Variants in CTNNA3 observed in about 807,000 individuals in gnomAD.
CTNNA3 encodes catenin alpha-3.
CTNNA3 carries 76 observed loss-of-function variants against 95.7 expected under a neutral mutation model. That is an observed-to-expected ratio of 0.79 (90% CI 0.66 to 0.96). The LOEUF (loss-of-function observed/expected upper bound fraction) is 0.96. Ranked by LOEUF, CTNNA3 falls within the 40% of genes least tolerant of loss-of-function variation. CTNNA3 has a pLI of 0.00. For synonymous variants in CTNNA3, 431 were observed against 374.4 expected (o/e 1.15, Z -1.74); for missense variants, 1,191 against 1,089.8 (o/e 1.09, Z -1.31).
chr10:66,655,568 G>A (rs1846046320), intron 9 of CTNNA3, among the ~76,000 whole-genome samples: 1 of 152,024 alleles, frequency 6.6e-6, no homozygotes, highest in Non-Finnish European at 1.5e-5. Flanking sequence ...CAGAAAGGAA[G>A]AAAACATGGA....
intron 4 of CTNNA3, among the ~76,000 whole-genome samples, chr10:67,529,458 C>T (rs1173116059): frequency 7.8e-6 from 1 of 128,024 alleles, no homozygotes; most frequent in Non-Finnish European, 1.5e-5. Context: ...CACATGGACA[C>T]AGGAAGGGGA....
intron 7 of CTNNA3, among the ~76,000 whole-genome samples, chr10:66,897,817 C>T (rs1396978185): frequency 1.3e-5 from 2 of 152,054 alleles, no homozygotes; most frequent in Admixed American, 6.5e-5. Flanking sequence ...CATAAACATG[C>T]AAAATATTTC....
intron 5 of CTNNA3, among the ~76,000 whole-genome samples, chr10:67,400,233 C>T (rs1040047905): frequency 6.6e-6 from 1 of 152,126 alleles, no homozygotes; most frequent in Non-Finnish European, 1.5e-5. Flanking sequence ...GTTGTGAGTG[C>T]TTGTCATTTG....
At chr10:67,699,526 G>C (rs539982681), upstream of CTNNA3, among the ~76,000 whole-genome samples, 1 of 152,252 alleles carries the variant, frequency 6.6e-6, no homozygotes, top group South Asian at 2.1e-4. Flanking sequence ...GGTGACTATG[G>C]CTCAAAATGA....
intron 14 of CTNNA3, among the ~76,000 whole-genome samples, chr10:66,083,108 C>A (rs1031668933): frequency 6.6e-6 from 1 of 151,914 alleles, no homozygotes; most frequent in African/African-American, 2.4e-5. Context: ...AACAAGAAAA[C>A]ATTATCCTAT....
chr10:67,534,948 T>C (rs1202996963), intron 4 of CTNNA3, among the ~76,000 whole-genome samples: 2 of 152,120 alleles, frequency 1.3e-5, no homozygotes, highest in Non-Finnish European at 2.9e-5. Flanking sequence ...TTTTGCATCA[T>C]AATTAAGTGG....
In CTNNA3 at chr10:65,913,026, C is replaced by T. The variant is rs1564509685; in HGVS notation, c.*7304G>A. On this transcript the variant is annotated 3_prime_UTR_variant, in exon 18 of 18. Transcript: ENST00000433211. The stretch of plus-strand genomic sequence containing the variant: ...ATAGTCAGAAACACCTCAAACGCCA[C>T]TAAACTTAAGTTCCCAAGATATTGC... 6.6e-6 allele frequency: 1 copy of T among 152,134 alleles called. No homozygotes were observed. Among genetic ancestry groups the T allele is most frequent in the Non-Finnish European group, 1.5e-5 (1 of 68,006 alleles). The allele number at this position is 152,134 out of a possible 1,614,324, so 9.4% of individuals were successfully genotyped here. A position where few individuals can be genotyped will look rare whatever the true frequency, so the allele number is the denominator to read the frequency against.
intron 13 of CTNNA3, among the ~76,000 whole-genome samples, chr10:66,177,666 C>A (rs150919977): frequency 6.6e-6 from 1 of 152,022 alleles, no homozygotes; most frequent in East Asian, 1.9e-4. Flanking sequence ...CATACCAAAA[C>A]GTAAGTGAGC....
At chr10:66,088,517 G>T (rs188881937) in intron 14 of CTNNA3, among the ~76,000 whole-genome samples, 15 of 151,090 alleles carry the variant, frequency 9.9e-5, no homozygotes, top group Admixed American at 4.0e-4. Flanking sequence ...GTGTGTGTGT[G>T]TGTGTGTGTG....
chr10:66,201,783 C>CTTTTTTTTTTTTTTTTTTT (rs1236010501), intron 13 of CTNNA3, among the ~76,000 whole-genome samples: 2 of 79,364 alleles, frequency 2.5e-5, no homozygotes, highest in Admixed American at 1.8e-4. Flanking sequence ...TTTACTTTTT[C>CTTTTTTTTTTTTTTTTTTT]TTTTTTTTTT....
chr10:67,440,273 G>A (rs1251513424), intron 5 of CTNNA3, among the ~76,000 whole-genome samples: 2 of 152,190 alleles, frequency 1.3e-5, no homozygotes, highest in Non-Finnish European at 2.9e-5. Context: ...GTGGAGGGAA[G>A]AGTGGGAAGG....
At chr10:65,926,122 G>A (rs920473221) in intron 17 of CTNNA3, among the ~76,000 whole-genome samples, 1 of 150,680 alleles carries the variant, frequency 6.6e-6, no homozygotes, top group Non-Finnish European at 1.5e-5. Flanking sequence ...TTTTCAATTG[G>A]TAACCTGCAT....
intron 15 of CTNNA3, among the ~76,000 whole-genome samples, chr10:66,022,163 G>A (rs1424596568): frequency 6.6e-6 from 1 of 152,034 alleles, no homozygotes; most frequent in East Asian, 1.9e-4. Context: ...CAGCCTCGAA[G>A]ATGTCTTTCA....
intron 7 of CTNNA3, among the ~76,000 whole-genome samples, chr10:66,892,412 C>T (rs958526150): frequency 1.4e-4 from 22 of 152,064 alleles, no homozygotes; most frequent in African/African-American, 5.1e-4. Flanking sequence ...TTTTCATTAA[C>T]TATATTGTAA....
chr10:65,920,323 A>G lies in CTNNA3; in HGVS notation c.*7T>C. Reference sequence around the variant, plus strand: ...GTCATATAGGCACTATATGTAGAATAGTGGTTTCAGTAGATTTGTCTTCCT... The same window carrying G: ...GTCATATAGGCACTATATGTAGAATGGTGGTTTCAGTAGATTTGTCTTCCT... On this transcript the variant is annotated 3_prime_UTR_variant, in exon 18 of 18. Coordinates refer to ENST00000433211, the MANE Select transcript of CTNNA3 (RefSeq NM_013266.4). The G allele has an allele frequency of 6.2e-7, 1 of 1,611,400 alleles. No individual in the cohort carries two copies. Among genetic ancestry groups the G allele is most frequent in the Non-Finnish European group, 8.5e-7 (1 of 1,178,390 alleles).
At chr10:67,550,202 TCAGC>T (rs1840975264) in intron 3 of CTNNA3, among the ~76,000 whole-genome samples, 1 of 152,242 alleles carries the variant, frequency 6.6e-6, no homozygotes, top group Non-Finnish European at 1.5e-5. Context: ...CAGCAGTCTT[TCAGC>T]TTCAGTATTC....
intron 9 of CTNNA3, among the ~76,000 whole-genome samples, chr10:66,707,321 T>A (rs1169986806): frequency 6.6e-6 from 1 of 152,058 alleles, no homozygotes; most frequent in Non-Finnish European, 1.5e-5. Context: ...GCTTATAAAA[T>A]TAATATCTAG....
intron 6 of CTNNA3, among the ~76,000 whole-genome samples, chr10:67,183,728 TC>T (rs1346979878): frequency 6.6e-6 from 1 of 151,592 alleles, no homozygotes; most frequent in Non-Finnish European, 1.5e-5. Flanking sequence ...GTGAGGGTAC[TC>T]CAAAAAGTTC....
intron 10 of CTNNA3, among the ~76,000 whole-genome samples, chr10:66,584,661 A>G (rs545457514): frequency 9.9e-5 from 15 of 152,044 alleles, no homozygotes; most frequent in African/African-American, 3.6e-4. Context: ...GCATCTTTTT[A>G]AAGTGGAGCA....
Sources: gnomAD v4.1 joint callset for allele counts (sites outside exome capture counted in the v4.1 genomes callset) on GRCh38, gnomAD v4.1.1 for gene constraint, MANE v1.5 for transcripts, NCBI Gene and HGNC (gene_info 2026-07-23, HGNC 2026-07-21) for gene names.